Variants in MYO1B observed in about 807,000 individuals in gnomAD.
MYO1B encodes the protein unconventional myosin-Ib.
A neutral mutation model predicts 159.7 loss-of-function variants in MYO1B; 72 were observed. The ratio of observed to expected loss-of-function variants is 0.45; its 90% CI spans 0.37 to 0.55. The LOEUF (loss-of-function observed/expected upper bound fraction) is 0.55, where lower values mean the gene tolerates loss of function less well. MYO1B is among the 20% of genes least tolerant of loss of function. The probability of loss-of-function intolerance (pLI) is 0.00; values close to 1 mark genes in which losing one functional copy is unlikely to be tolerated. For missense variants in MYO1B, 1,062 were observed against 1,364.8 expected, an observed-to-expected ratio of 0.78 and a Z score of 3.50; for synonymous variants, 468 against 473.8, an observed-to-expected ratio of 0.99 and a Z score of 0.16.
chr2:191,286,625 A>G (rs977863938), intron 2 of MYO1B, among the ~76,000 whole-genome samples: 29 of 152,234 alleles, frequency 1.9e-4, no homozygotes, highest in African/African-American at 7.0e-4. Context: ...AAATTCATCA[A>G]TTTCCTGTAT....
rs755075055 is a variant in MYO1B, at chr2:191,425,155, G to C, written c.*1195G>C. 1.3e-5 allele frequency: 2 copies of C among 151,782 alleles called. No homozygotes were observed. Among genetic ancestry groups the C allele is most frequent in the Non-Finnish European group, 2.9e-5 (2 of 67,916 alleles). 9.4% of individuals were successfully genotyped at this position (151,782 alleles called of 1,614,324 possible). A position where few individuals can be genotyped will look rare whatever the true frequency, so the allele number is the denominator to read the frequency against. On this transcript the variant is annotated 3_prime_UTR_variant, in exon 31 of 31. Coordinates refer to ENST00000392318, the MANE Select transcript of MYO1B (RefSeq NM_001130158.3). ...TTAAATAATAAAATTGTTCTAATTT[G>C]GTGCCATTTCCTGAATCACAACTGT...
chr2:191,336,786 C>T (rs147613134), intron 4 of MYO1B, among the ~76,000 whole-genome samples: 44 of 152,240 alleles, frequency 2.9e-4, no homozygotes, highest in African/African-American at 9.9e-4. Flanking sequence ...TTTAGGCATT[C>T]ACTCTTTAGC....
intron 3 of MYO1B, among the ~76,000 whole-genome samples, chr2:191,306,425 G>A (rs1203586366): frequency 6.6e-6 from 1 of 152,124 alleles, no homozygotes; most frequent in East Asian, 1.9e-4. Context: ...AGGTAGAAGA[G>A]GAAGAGCAGA....
chr2:191,399,413 C>T (rs1489774073), intron 21 of MYO1B, among the ~76,000 whole-genome samples: 1 of 152,194 alleles, frequency 6.6e-6, no homozygotes, highest in Non-Finnish European at 1.5e-5. Flanking sequence ...ATTTATTTCA[C>T]AGATTGTCTG....
intron 15 of MYO1B, 43 bp from the exon 16 acceptor site, chr2:191,385,840 TA>T (rs1695370009): frequency 1.3e-6 from 2 of 1,586,802 alleles, no homozygotes; most frequent in Non-Finnish European, 8.6e-7. Context: ...ATTAAAACAA[TA>T]TAGTGAGGAA....
At chr2:191,370,847 C>T (rs971787514) in intron 13 of MYO1B, 1 of 152,232 alleles carries the variant, frequency 6.6e-6, no homozygotes, top group Non-Finnish European at 1.5e-5. Flanking sequence ...ATGAATTCTG[C>T]TGCAGAGGTT....
chr2:191,414,772 A>G, intron 29 of MYO1B, 103 bp downstream of exon 29: 3 of 1,313,898 alleles, frequency 2.3e-6, no homozygotes, highest in Non-Finnish European at 2.0e-6. Context: ...CTGCCTTGCT[A>G]ATTTGCAAAT....
chr2:191,295,767 G>T (rs891963762), intron 2 of MYO1B, among the ~76,000 whole-genome samples: 2 of 152,130 alleles, frequency 1.3e-5, no homozygotes, highest in African/African-American at 4.8e-5. Context: ...ATCAGGGAGA[G>T]CATGGCTCTT....
intron 7 of MYO1B, among the ~76,000 whole-genome samples, chr2:191,359,709 T>C (rs1352584593): frequency 6.6e-6 from 1 of 152,200 alleles, no homozygotes; most frequent in African/African-American, 2.4e-5. Context: ...TCGTGATGTT[T>C]TAGATTGCAG....
intron 1 of MYO1B, among the ~76,000 whole-genome samples, chr2:191,262,102 C>T (rs184833922): frequency 6.6e-6 from 1 of 152,192 alleles, no homozygotes; most frequent in East Asian, 1.9e-4. Flanking sequence ...TTTCCCTTGG[C>T]ACATCTCCTT....
Position 191,362,330 on chromosome 2 carries a change from G to A in MYO1B, c.724G>A (p.Val242Met). 6.2e-7 allele frequency: 1 copy of A among 1,613,910 alleles called. No homozygotes were observed. Among genetic ancestry groups the A allele is most frequent in the Non-Finnish European group, 8.5e-7 (1 of 1,179,836 alleles). The change falls in exon 9 of 31, where the codon GTG (valine) becomes ATG (methionine). Residue 242 changes from valine (V) to methionine (M), a missense_variant. Physicochemically the swap from Val to Met is conservative, Grantham distance 21 (BLOSUM62 1). Around this residue, in one of 5 missense-constraint regions of MYO1B, gnomAD observed 415 missense variants for 544.0 expected, o/e 0.76. Transcript: ENST00000392318. ...YNYLSLDSAK[V>M]NGVDDAANFR... ...CTACCTGAGTCTGGATTCGGCCAAA[G>A]TGAATGGAGTGGATGATGCAGCAAA...
chr2:191,287,825 C>T (rs1315811179), intron 2 of MYO1B, among the ~76,000 whole-genome samples: 1 of 151,618 alleles, frequency 6.6e-6, no homozygotes, highest in Admixed American at 6.6e-5. Context: ...GCTCAGACTG[C>T]TTACGTGAAG....
At chr2:191,315,156 C>T (rs559961539) in intron 3 of MYO1B, among the ~76,000 whole-genome samples, 3 of 121,154 alleles carry the variant, frequency 2.5e-5, no homozygotes, top group Non-Finnish European at 3.7e-5. Flanking sequence ...ACCGTCCGTC[C>T]GTCCATCCAT....
chr2:191,297,017 C>A (rs933731806), intron 3 of MYO1B, among the ~76,000 whole-genome samples: 1 of 152,070 alleles, frequency 6.6e-6, no homozygotes, highest in African/African-American at 2.4e-5. Flanking sequence ...GAGAGAATAC[C>A]CAGAAATTAT....
At chr2:191,403,041 AT>A (rs1326979117) in intron 24 of MYO1B, among the ~76,000 whole-genome samples, 1 of 152,170 alleles carries the variant, frequency 6.6e-6, no homozygotes, top group Non-Finnish European at 1.5e-5. Flanking sequence ...CACAGTTACA[AT>A]AGTTGAGCTA....
intron 5 of MYO1B, among the ~76,000 whole-genome samples, chr2:191,345,658 C>T (rs886172790): frequency 2.6e-5 from 4 of 152,212 alleles, no homozygotes; most frequent in African/African-American, 9.6e-5. Flanking sequence ...TGTGCATAAA[C>T]TGATGAAACC....
At chr2:191,316,970 G>T (rs1295669372) in intron 3 of MYO1B, among the ~76,000 whole-genome samples, 1 of 152,240 alleles carries the variant, frequency 6.6e-6, no homozygotes, top group Non-Finnish European at 1.5e-5. Flanking sequence ...GCAGGTTTCG[G>T]TGATTTTGTT....
intron 1 of MYO1B, among the ~76,000 whole-genome samples, chr2:191,258,812 C>G (rs999513821): frequency 1.3e-5 from 2 of 152,132 alleles, no homozygotes; most frequent in Non-Finnish European, 2.9e-5. Flanking sequence ...GCTAGAACTG[C>G]CAGCCCAGTC....
chr2:191,300,501 G>A (rs960276826), intron 3 of MYO1B, among the ~76,000 whole-genome samples: 2 of 151,698 alleles, frequency 1.3e-5, no homozygotes, highest in Non-Finnish European at 2.9e-5. Context: ...CCGCCACGAC[G>A]TCTGGCTAAT....
Sources: allele counts gnomAD v4.1 joint callset (sites outside exome capture counted in the v4.1 genomes callset), GRCh38; gene constraint gnomAD v4.1.1; regional missense constraint gnomAD v4.1.1; transcripts MANE v1.5; gene names NCBI Gene and HGNC (gene_info 2026-07-23, HGNC 2026-07-21).